Variants in FH observed in about 807,000 individuals in gnomAD.
The protein encoded by FH is fumarate hydratase.
In FH, 22 loss-of-function variants were observed where a neutral mutation model predicts 49.4. That is an observed-to-expected ratio of 0.45 (90% CI 0.32 to 0.64). The LOEUF (loss-of-function observed/expected upper bound fraction) is 0.64. FH is among the 30% of genes least tolerant of loss of function. FH has a pLI of 0.05. For synonymous variants in FH, 208 were observed against 223.0 expected, an observed-to-expected ratio of 0.93 and a Z score of 0.60; for missense variants, 526 against 641.5, an observed-to-expected ratio of 0.82 and a Z score of 1.95.
intron 1 of FH, among the ~76,000 whole-genome samples, chr1:241,518,846 G>A (rs1317012415): frequency 9.2e-5 from 14 of 152,208 alleles, no homozygotes; most frequent in Admixed American, 9.2e-4. Flanking sequence ...GTCATAACCT[G>A]AACTTGGATC....
intron 8 of FH, 59 bp from the exon 9 acceptor site, chr1:241,500,649 A>C: frequency 9.6e-7 from 1 of 1,046,014 alleles, no homozygotes; most frequent in Non-Finnish European, 1.4e-6. Context: ...GACATTACTA[A>C]GGCAACATGT....
At chr1:241,512,599 C>G (rs1660116491) in intron 3 of FH, among the ~76,000 whole-genome samples, 1 of 152,018 alleles carries the variant, frequency 6.6e-6, no homozygotes, top group African/African-American at 2.4e-5. Flanking sequence ...AGATTTGCCC[C>G]TATTTTTGTT....
At chr1:241,498,073 C>A (rs551354437) in intron 9 of FH, 103 bp from the exon 10 acceptor site, 1 of 1,096,390 alleles carries the variant, frequency 9.1e-7, no homozygotes, top group African/African-American at 1.6e-5. Context: ...GCTATATGGG[C>A]CTCTTAAATG....
At position 241,497,703 on chromosome 1, in the gene FH, A is replaced by G. The variant is rs199893138; in HGVS notation, c.*125T>C. On this transcript the variant is annotated 3_prime_UTR_variant, in exon 10 of 10. Coordinates refer to ENST00000366560, the MANE Select transcript of FH (RefSeq NM_000143.4). The stretch of plus-strand genomic sequence containing the variant: ...ATCCTAGGGTTTTATATACTGATCA[A>G]ATTGCTCTGCTAGAGATGCTTAAGT... 21 of 806,222 alleles carry G rather than the reference A, an allele frequency of 2.6e-5. No individual in the cohort carries two copies. In the East Asian group the frequency reaches 5.1e-4, roughly 20 times the overall value. 49.9% of individuals were successfully genotyped at this position (806,222 alleles called of 1,614,324 possible).
At chr1:241,513,847 G>A (rs915115264) in intron 2 of FH, 134 bp from the exon 3 acceptor site, 37 of 682,652 alleles carry the variant, frequency 5.4e-5, no homozygotes, top group South Asian at 4.1e-4. Context: ...AAAATGTTTC[G>A]GTTATAGAGA....
rs201005880 is a variant in FH at position 241,500,535 on chromosome 1, G to A, written c.1292C>T (p.Thr431Ile). Residue 431 changes from threonine to isoleucine, a missense_variant, in exon 9 of 10, where the codon ACA (threonine) becomes ATA (isoleucine). Thr to Ile is a moderately conservative substitution (Grantham distance 89, BLOSUM62 -1). Around this residue, in one of 2 missense-constraint regions of FH, gnomAD observed 383 missense variants for 514.0 expected, o/e 0.75. Transcript: ENST00000366560. ...CTGGATTCCCACCACGCAGTTTTCT[G>A]TAAAGGAAACTGAAGCATCCCCCAG... ...RLLGDASVSF[T>I]ENCVVGIQAN... 1.2e-6 allele frequency: 2 copies of A among 1,611,614 alleles called. No individual in the cohort carries two copies. The highest frequency in any genetic ancestry group is 2.2e-5 in the East Asian group (1 of 44,768).
chr1:241,516,597 T>A (rs770405232), intron 2 of FH, among the ~76,000 whole-genome samples: 1 of 152,166 alleles, frequency 6.6e-6, no homozygotes, highest in African/African-American at 2.4e-5. Flanking sequence ...ATGGCACACA[T>A]TTACCTATGC....
At chr1:241,508,183 G>T (rs1188711594) in intron 5 of FH, among the ~76,000 whole-genome samples, 1 of 152,150 alleles carries the variant, frequency 6.6e-6, no homozygotes, top group Non-Finnish European at 1.5e-5. Context: ...GGTGATGATG[G>T]TAGCTAACAT....
At chr1:241,511,412 G>C (rs1370124683) in intron 4 of FH, among the ~76,000 whole-genome samples, 2 of 152,092 alleles carry the variant, frequency 1.3e-5, no homozygotes, top group Non-Finnish European at 2.9e-5. Flanking sequence ...CAGCCCCAAA[G>C]GACTGAGACA....
chr1:241,500,973 A>G (rs1404158058), intron 8 of FH, among the ~76,000 whole-genome samples: 2 of 152,174 alleles, frequency 1.3e-5, no homozygotes, highest in African/African-American at 4.8e-5. Flanking sequence ...CAGAGAAGGA[A>G]AAAGAATCTT....
rs772190176 is a variant in FH, at chr1:241,506,090, C to A, written c.817G>T (p.Ala273Ser). 3 of 1,613,958 alleles carry A rather than the reference C, an allele frequency of 1.9e-6. No homozygotes were observed. The highest frequency in any genetic ancestry group is 2.5e-6 in the Non-Finnish European group (3 of 1,179,910). ...KAAMPRIYEL[A>S]AGGTAVGTGL... ...GTACCAACAGCAGTGCCTCCAGCTG[C>A]GAGCTCATAGATTCTTGGCATGGCA... The change falls in exon 6 of 10, where the codon GCA becomes TCA. Residue 273 changes from alanine to serine, a missense_variant. By Grantham distance (99) the Ala-to-Ser change is moderately conservative (BLOSUM62 1). This residue lies in a region of FH where 383 missense variants were observed against 514.0 expected (regional missense o/e 0.75). Transcript: ENST00000366560.
At chr1:241,511,566 A>T (rs966424481) in intron 4 of FH, among the ~76,000 whole-genome samples, 2 of 151,384 alleles carry the variant, frequency 1.3e-5, no homozygotes, top group Non-Finnish European at 1.5e-5. Context: ...TTTTTTTTTT[A>T]AAGTCTGTTG....
chr1:241,518,636 T>C (rs1660283906), intron 1 of FH, among the ~76,000 whole-genome samples: 1 of 152,190 alleles, frequency 6.6e-6, no homozygotes, highest in African/African-American at 2.4e-5. Flanking sequence ...TGAGTAGCTG[T>C]AAGTATTTCA....
In FH at chr1:241,500,446, G is replaced by A; in HGVS notation, c.1381C>T (p.Pro461Ser). 6.2e-7 allele frequency: 1 copy of A among 1,613,752 alleles called. No homozygotes were observed. The highest frequency in any genetic ancestry group is 8.5e-7 in the Non-Finnish European group (1 of 1,179,794). The change falls in exon 9 of 10, where the codon CCT becomes TCT. Residue 461 changes from proline (P) to serine (S), a missense_variant. Physicochemically the swap from Pro to Ser is moderately conservative, Grantham distance 74. Transcript: ENST00000366560. ...TTCCTTAAACACTTACCTATATGAG[G>A]ATTGAGAGCTGTCACCAACATTAGA... ...ESLMLVTALN[P>S]HIGYDKAAKI...
chr1:241,500,718 T>C, intron 8 of FH, 128 bp from the exon 9 acceptor site: 1 of 1,289,766 alleles, frequency 7.8e-7, no homozygotes, highest in Non-Finnish European at 1.1e-6. Flanking sequence ...TCAATAAACA[T>C]ATAGATCTTC....
At chr1:241,511,802 T>C (rs904012242) in intron 4 of FH, 165 bp downstream of exon 4, 3 of 659,112 alleles carry the variant, frequency 4.6e-6, no homozygotes, top group Non-Finnish European at 7.8e-6. Flanking sequence ...TTTATAAGGA[T>C]TGAAACATAA....
chr1:241,511,305 C>T (rs1054212470), intron 4 of FH, among the ~76,000 whole-genome samples: 37 of 152,208 alleles, frequency 2.4e-4, no homozygotes, highest in Admixed American at 2.4e-3. Flanking sequence ...AATGAATTGG[C>T]CAGTGGCCTG....
intron 4 of FH, 111 bp from the exon 5 acceptor site, chr1:241,508,896 C>T (rs979477457): frequency 3.5e-6 from 3 of 849,242 alleles, no homozygotes; most frequent in Non-Finnish European, 5.6e-6. Context: ...TACTCAAAAC[C>T]CAGCTCAGTT....
intron 7 of FH, among the ~76,000 whole-genome samples, chr1:241,503,270 A>G (rs555516272): frequency 6.6e-6 from 1 of 152,318 alleles, no homozygotes; most frequent in African/African-American, 2.4e-5. Flanking sequence ...AACATGAAGT[A>G]CTTTAAAACA....
Sources: allele counts gnomAD v4.1 joint callset (sites outside exome capture counted in the v4.1 genomes callset), GRCh38; gene constraint gnomAD v4.1.1; regional missense constraint gnomAD v4.1.1; transcripts MANE v1.5; gene names NCBI Gene and HGNC (gene_info 2026-07-23, HGNC 2026-07-21).